EPB41L2: variants seen among roughly 807,000 people sequenced by gnomAD.
EPB41L2 encodes the protein band 4.1-like protein 2.
A neutral mutation model predicts 113.0 loss-of-function variants in EPB41L2; 43 were observed. The observed-to-expected ratio is 0.38, with a 90% CI of 0.30 to 0.49. The LOEUF is 0.49. Ranked by LOEUF, EPB41L2 falls within the 20% of genes least tolerant of loss-of-function variation. EPB41L2 has a pLI of 0.95. For missense variants in EPB41L2, 1,147 were observed against 1,223.4 expected (o/e 0.94, Z 0.93); for synonymous variants, 442 against 436.7 (o/e 1.01, Z -0.15).
At chr6:130,883,871 C>T (rs907424309) in intron 12 of EPB41L2, among the ~76,000 whole-genome samples, 1 of 152,180 alleles carries the variant, frequency 6.6e-6, no homozygotes, top group African/African-American at 2.4e-5. Context: ...ATACAGGTAG[C>T]ACTTGACCTT....
chr6:130,911,974 G>T (rs1357469177), intron 4 of EPB41L2, among the ~76,000 whole-genome samples: 1 of 152,184 alleles, frequency 6.6e-6, no homozygotes, highest in Non-Finnish European at 1.5e-5. Context: ...GACGTGAACA[G>T]CAGGTAAGTG....
chr6:130,931,446 T>TGGA (rs1476936700), intron 3 of EPB41L2, among the ~76,000 whole-genome samples: 1 of 152,186 alleles, frequency 6.6e-6, no homozygotes, highest in Non-Finnish European at 1.5e-5. Flanking sequence ...AGATGTGCTT[T>TGGA]GGAGGCTTAT....
At chr6:130,990,351 A>G (rs1781532430) in intron 1 of EPB41L2, among the ~76,000 whole-genome samples, 1 of 152,160 alleles carries the variant, frequency 6.6e-6, no homozygotes, top group Non-Finnish European at 1.5e-5. Context: ...GGAAAGACAA[A>G]ATGAAGTCAG....
intron 19 of EPB41L2, among the ~76,000 whole-genome samples, chr6:130,842,758 T>C (rs1038624226): frequency 3.3e-5 from 5 of 152,222 alleles, no homozygotes; most frequent in Admixed American, 6.5e-5. Context: ...TAAGCATATG[T>C]TGGAATTGAA....
chr6:130,861,065 T>C (rs1781858358), intron 18 of EPB41L2, among the ~76,000 whole-genome samples: 2 of 151,942 alleles, frequency 1.3e-5, no homozygotes, highest in Admixed American at 6.6e-5. Context: ...TAAGATGCCT[T>C]TTTTATTTTT....
At chr6:131,045,420 C>A (rs1172141234) in intron 1 of EPB41L2, among the ~76,000 whole-genome samples, 2 of 137,224 alleles carry the variant, frequency 1.5e-5, no homozygotes, top group African/African-American at 5.0e-5. Context: ...AAATGCAGAA[C>A]TCAAGAGAAA....
chr6:130,915,311 A>G (rs1289891510), intron 4 of EPB41L2, among the ~76,000 whole-genome samples: 1 of 152,208 alleles, frequency 6.6e-6, no homozygotes. Flanking sequence ...TCAAAAAAAA[A>G]GAATATCAAG....
At chr6:130,892,403 C>CTTTTTTTTCTTTTTTTTTTTTTTTTT (rs1793207306) in intron 10 of EPB41L2, among the ~76,000 whole-genome samples, 1 of 92,640 alleles carries the variant, frequency 1.1e-5, no homozygotes, top group Non-Finnish European at 2.4e-5. Context: ...CAGATTATTG[C>CTTTTTTTTCTTTTTTTTTTTTTTTTT]TTTTTTTTTT....
chr6:131,007,233 T>C (rs900421325), intron 1 of EPB41L2, among the ~76,000 whole-genome samples: 5 of 152,160 alleles, frequency 3.3e-5, no homozygotes, highest in African/African-American at 1.2e-4. Context: ...CTCGTGACAG[T>C]GAGTTCTCAT....
At chr6:130,860,626 G>A (rs1464615748) in intron 18 of EPB41L2, among the ~76,000 whole-genome samples, 3 of 151,620 alleles carry the variant, frequency 2.0e-5, no homozygotes, top group Admixed American at 1.3e-4. Flanking sequence ...TCCGCCTCCC[G>A]GGTTCACACC....
intron 3 of EPB41L2, among the ~76,000 whole-genome samples, chr6:130,940,625 C>G (rs1810496663): frequency 6.6e-6 from 1 of 152,042 alleles, no homozygotes. Context: ...CCTCACCATG[C>G]TCAGTTAATT....
At chr6:131,024,522 C>T (rs967787197) in intron 1 of EPB41L2, among the ~76,000 whole-genome samples, 4 of 152,088 alleles carry the variant, frequency 2.6e-5, no homozygotes, top group African/African-American at 9.7e-5. Flanking sequence ...GCCAAAGCAC[C>T]ATATCAACCA....
chr6:130,940,739 G>A (rs1308636167), intron 3 of EPB41L2, among the ~76,000 whole-genome samples: 2 of 152,140 alleles, frequency 1.3e-5, no homozygotes, highest in African/African-American at 2.4e-5. Flanking sequence ...AAAGTCCTGG[G>A]ATTACAAGCA....
intron 1 of EPB41L2, among the ~76,000 whole-genome samples, chr6:130,977,706 AG>A (rs1280073862): frequency 6.6e-6 from 1 of 152,224 alleles, no homozygotes; most frequent in Non-Finnish European, 1.5e-5. Flanking sequence ...CTTAACCTTA[AG>A]GAACATCAAA....
chr6:131,022,138 T>A (rs1789661656), intron 1 of EPB41L2, among the ~76,000 whole-genome samples: 1 of 152,106 alleles, frequency 6.6e-6, no homozygotes, highest in African/African-American at 2.4e-5. Flanking sequence ...CCGTTACTGA[T>A]CATCAGGCAT....
At position 130,961,516 on chromosome 6, in the gene EPB41L2, T is replaced by C. The variant is rs185013397; in HGVS notation, c.-14-5017A>G. ...TATCACTAGGCTGAACTGCCAACCA[T>C]ATAACATCATGCTACTTAAAACATT... On this transcript the variant is annotated intron_variant, in intron 1 of 19. Transcript: ENST00000337057. Among the ~76,000 whole-genome samples the C allele has an allele frequency of 1.3e-3, 205 of 152,262 alleles. 2 individuals are homozygous for C. The highest frequency in any genetic ancestry group is 0.011 in the Admixed American group (173 of 15,294).
chr6:130,977,565 A>T (rs1432439466), intron 1 of EPB41L2, among the ~76,000 whole-genome samples: 2 of 151,672 alleles, frequency 1.3e-5, no homozygotes, highest in Non-Finnish European at 2.9e-5. Flanking sequence ...CTAGGAATCC[A>T]AGAGATCTAC....
Position 130,954,036 on chromosome 6 carries a change from C to CTTTTTTTTTTTTTTTTTTTT in EPB41L2, c.705+1068_705+1069insAAAAAAAAAAAAAAAAAAAA, listed in dbSNP as rs1816328530. 4.4e-4 allele frequency among the ~76,000 whole-genome samples: 20 copies of CTTTTTTTTTTTTTTTTTTTT among 45,520 alleles called. 1 individual carries two copies. The highest frequency in any genetic ancestry group is 1.0e-3 in the East Asian group (2 of 1,912). 29.9% of individuals were successfully genotyped at this position (45,520 alleles called of 152,430 possible). On this transcript the variant is annotated intron_variant, in intron 3 of 19. Transcript: ENST00000337057. ...TTAATCCTCTTTTGCTAGTCCTTTTCTTTCTTTTTTTTTTTTTTTTTTTTT... is the reference window on the plus strand; with the variant it reads ...TTAATCCTCTTTTGCTAGTCCTTTTCTTTTTTTTTTTTTTTTTTTTTTTCTTTTTTTTTTTTTTTTTTTTT...
intron 1 of EPB41L2, among the ~76,000 whole-genome samples, chr6:130,975,211 C>T (rs1166323026): frequency 1.3e-5 from 2 of 152,136 alleles, no homozygotes; most frequent in Admixed American, 6.5e-5. Context: ...ATATCTATTA[C>T]ATGTATTTTG....
Sources: gnomAD v4.1 joint callset for allele counts (sites outside exome capture counted in the v4.1 genomes callset) on GRCh38, gnomAD v4.1.1 for gene constraint, MANE v1.5 for transcripts, NCBI Gene and HGNC (gene_info 2026-07-23, HGNC 2026-07-21) for gene names.